The following SAMD12 variants were observed in gnomAD, a reference collection of about 807,000 sequenced individuals.
SAMD12 encodes sterile alpha motif domain-containing protein 12.
A neutral mutation model predicts 15.0 loss-of-function variants in SAMD12; 9 were observed. That is an observed-to-expected ratio of 0.60 (90% CI 0.36 to 1.05). The LOEUF is 1.05. SAMD12 is among the 50% of genes least tolerant of loss of function. The probability of loss-of-function intolerance (pLI) is 0.01; values close to 1 mark genes in which losing one functional copy is unlikely to be tolerated. For synonymous variants in SAMD12, 86 were observed against 90.1 expected, an observed-to-expected ratio of 0.96 and a Z score of 0.25; for missense variants, 230 against 234.2, an observed-to-expected ratio of 0.98 and a Z score of 0.12.
intron 4 of SAMD12, among the ~76,000 whole-genome samples, chr8:118,363,361 A>G (rs989890754): frequency 6.6e-6 from 1 of 152,168 alleles, no homozygotes; most frequent in African/African-American, 2.4e-5. Flanking sequence ...TTCCCTCCCC[A>G]TGTCAATGGT....
At chr8:118,537,056 T>C (rs1825864559) in intron 2 of SAMD12, among the ~76,000 whole-genome samples, 1 of 152,212 alleles carries the variant, frequency 6.6e-6, no homozygotes, top group African/African-American at 2.4e-5. Flanking sequence ...TATACTATTC[T>C]AGGATACAAG....
intron 1 of SAMD12, chr8:118,621,422 G>A (rs1586865053): frequency 3.4e-6 from 1 of 291,582 alleles, no homozygotes; most frequent in East Asian, 7.9e-5. Context: ...GGCCAACCAA[G>A]CATCCCCAGC....
At chr8:118,237,902 G>A (rs1014420143) in intron 4 of SAMD12, among the ~76,000 whole-genome samples, 4 of 152,068 alleles carry the variant, frequency 2.6e-5, no homozygotes, top group African/African-American at 7.2e-5. Flanking sequence ...AAGAATGGAA[G>A]CAAACAAGGC....
intron 4 of SAMD12, among the ~76,000 whole-genome samples, chr8:118,320,758 T>A (rs1311454730): frequency 6.6e-6 from 1 of 151,242 alleles, no homozygotes; most frequent in Non-Finnish European, 1.5e-5. Context: ...ACGGTACATG[T>A]ATATATATGT....
At chr8:118,183,704 G>A in the SAMD12 span, among the ~76,000 whole-genome samples, 1 of 152,042 alleles carries the variant, frequency 6.6e-6, no homozygotes. Context: ...AGCTTTAGGG[G>A]TACAAGTGGT....
rs573806217 is a variant in SAMD12, at chr8:118,353,988, C to T, written c.433+25572G>A. Among the ~76,000 whole-genome samples, 4 of 152,328 alleles carry T rather than the reference C, an allele frequency of 2.6e-5. No individual in the cohort carries two copies. The East Asian group carries it at 7.7e-4, about 29-fold the overall frequency. ...CAGGCATCTGACCCCTCCTCCAAGG[C>T]TCCAGCTCTTCTCAGAGCTCTTTAA... On this transcript the variant is annotated intron_variant, in intron 4 of 4. Transcript: ENST00000409003.
chr8:118,389,778 G>T (rs1028814411), intron 3 of SAMD12, among the ~76,000 whole-genome samples: 3 of 151,774 alleles, frequency 2.0e-5, no homozygotes, highest in African/African-American at 7.3e-5. Context: ...CCTAAAATGG[G>T]CAATTCCAAT....
chr8:118,209,476 A>G (rs542159651), intron 4 of SAMD12, among the ~76,000 whole-genome samples: 1 of 152,214 alleles, frequency 6.6e-6, no homozygotes, highest in African/African-American at 2.4e-5. Context: ...AGAGCCTCAA[A>G]GCACGTTGCT....
At chr8:118,526,061 T>C (rs1221743571) in intron 2 of SAMD12, among the ~76,000 whole-genome samples, 1 of 152,218 alleles carries the variant, frequency 6.6e-6, no homozygotes, top group Non-Finnish European at 1.5e-5. Flanking sequence ...TTATTTGTCC[T>C]AAAGCTGGCA....
chr8:118,288,059 G>A (rs1004665510), intron 4 of SAMD12, among the ~76,000 whole-genome samples: 11 of 152,288 alleles, frequency 7.2e-5, no homozygotes, highest in Admixed American at 2.6e-4. Flanking sequence ...TGAAGACCAA[G>A]CGTGGGCCTA....
intron 4 of SAMD12, among the ~76,000 whole-genome samples, chr8:118,333,786 T>C (rs1254810308): frequency 6.6e-6 from 1 of 152,118 alleles, no homozygotes; most frequent in Admixed American, 6.5e-5. Flanking sequence ...AATCACACTG[T>C]ACTCAGTGAT....
intron 4 of SAMD12, among the ~76,000 whole-genome samples, chr8:118,260,770 A>G (rs1230343008): frequency 6.6e-6 from 1 of 151,938 alleles, no homozygotes; most frequent in Non-Finnish European, 1.5e-5. Context: ...GACTTTCTTC[A>G]TACTGGTCTC....
intron 2 of SAMD12, among the ~76,000 whole-genome samples, chr8:118,464,733 A>G (rs1162047173): frequency 6.6e-6 from 1 of 150,392 alleles, no homozygotes; most frequent in Non-Finnish European, 1.5e-5. Context: ...TTTTTTTTTT[A>G]TAGAGACTAA....
chr8:118,392,614 T>C (rs1820344634), intron 3 of SAMD12, among the ~76,000 whole-genome samples: 1 of 152,214 alleles, frequency 6.6e-6, no homozygotes. Context: ...ATCTTTCTAA[T>C]GATAGAGGGG....
At chr8:118,479,910 T>G (rs1267890989) in intron 2 of SAMD12, among the ~76,000 whole-genome samples, 4 of 152,124 alleles carry the variant, frequency 2.6e-5, no homozygotes, top group Admixed American at 2.6e-4. Context: ...TATTATCTCT[T>G]GAAAACAAGG....
chr8:118,449,505 G>C (rs1013964888), intron 2 of SAMD12, among the ~76,000 whole-genome samples: 2 of 151,826 alleles, frequency 1.3e-5, no homozygotes, highest in African/African-American at 4.8e-5. Flanking sequence ...CACAGGCATA[G>C]GAAGAGGACA....
intron 4 of SAMD12, among the ~76,000 whole-genome samples, chr8:118,324,616 A>T (rs372197112): frequency 3.3e-5 from 5 of 152,302 alleles, no homozygotes; most frequent in South Asian, 4.1e-4. Context: ...CTGTGAACTT[A>T]AAGTAGGGGT....
Position 118,299,702 on chromosome 8 carries a change from G to A in SAMD12, c.433+79858C>T, listed in dbSNP as rs968173288. On this transcript the variant is annotated intron_variant, in intron 4 of 4. Coordinates refer to the SAMD12 transcript ENST00000409003. ...ATCTAAGGAGCAGGCAGTTGGAAAA[G>A]TTCAGATGAAAGATGACCCAAAAAT... Among the ~76,000 whole-genome samples, 4 of 152,172 alleles carry A rather than the reference G, an allele frequency of 2.6e-5. No homozygotes were observed. In the East Asian group the frequency reaches 7.7e-4, roughly 29 times the overall value.
chr8:118,453,120 T>A (rs963181683), intron 2 of SAMD12, among the ~76,000 whole-genome samples: 3 of 152,214 alleles, frequency 2.0e-5, no homozygotes, highest in Non-Finnish European at 4.4e-5. Context: ...CTATAATTGT[T>A]CCTTGCCTTC....
Sources: allele counts gnomAD v4.1 joint callset (sites outside exome capture counted in the v4.1 genomes callset), GRCh38; gene constraint gnomAD v4.1.1; transcripts MANE v1.5; gene names NCBI Gene and HGNC (gene_info 2026-07-23, HGNC 2026-07-21).